Variants in ADAMTSL2 observed in about 807,000 individuals in gnomAD.
The protein encoded by ADAMTSL2 is ADAMTS-like protein 2.
Under a neutral mutation model 117.0 loss-of-function variants are expected in ADAMTSL2, and 55 were observed. The observed-to-expected ratio is 0.47, with a 90% CI of 0.38 to 0.59. The LOEUF is 0.59. ADAMTSL2 is among the 20% of genes least tolerant of loss of function. The pLI, the probability that ADAMTSL2 is intolerant of heterozygous loss-of-function variation, is 0.00. For synonymous variants in ADAMTSL2, 572 were observed against 566.4 expected (o/e 1.01, Z -0.14); for missense variants, 1,182 against 1,354.5 (o/e 0.87, Z 2.00).
rs1461154704 is a variant in ADAMTSL2 at position 133,569,728 on chromosome 9, A to G, written c.2415+150A>G. The G allele has an allele frequency of 3.4e-6, 3 of 872,700 alleles. No homozygotes were observed. In the African/African-American group the frequency reaches 5.1e-5, roughly 15 times the overall value. The allele number at this position is 872,700 out of a possible 1,614,324, so 54.1% of individuals were successfully genotyped here. On this transcript the variant is annotated intron_variant, in intron 16 of 18. Transcript: ENST00000651351. ...GACAATTCCCTAAAAATTAATTTAG[A>G]ATACAAAAGGCTTAAAAGGTAGGAA...
rs1206083576 is a variant in ADAMTSL2 at position 133,568,841 on chromosome 9, T to G, written c.2244+83T>G. 2.5e-6 allele frequency: 4 copies of G among 1,586,138 alleles called. No individual in the cohort carries two copies. The East Asian group carries it at 6.7e-5, about 27-fold the overall frequency. On this transcript the variant is annotated intron_variant, in intron 15 of 18. Transcript: ENST00000651351. ...TGCCTTGATGTGCCTCAGTTTCCAT[T>G]TTTTTCCGAGGCAAGGGTGTGAGGT...
intron 17 of ADAMTSL2, among the ~76,000 whole-genome samples, chr9:133,571,550 G>A (rs927763224): frequency 6.6e-6 from 1 of 152,174 alleles, no homozygotes; most frequent in Non-Finnish European, 1.5e-5. Context: ...TGGGGCCTCC[G>A]GGTGACTCCA....
chr9:133,543,677 A>C lies in ADAMTSL2; in HGVS notation c.683-793A>C, dbSNP rs11522321. 2.6e-5 allele frequency among the ~76,000 whole-genome samples: 4 copies of C among 152,048 alleles called. No homozygotes were observed. In the South Asian group the frequency reaches 8.3e-4, roughly 32 times the overall value. ...GATGCACGCGGAATCCTCCGTTCCC[A>C]GAGGGATCCGGTGAGACAAGCGTCA... is the stretch of plus-strand genomic sequence containing the variant. On this transcript the variant is annotated intron_variant, in intron 7 of 18. Transcript: ENST00000651351.
intron 9 of ADAMTSL2, among the ~76,000 whole-genome samples, chr9:133,552,388 G>A (rs1224568479): frequency 6.6e-6 from 1 of 152,178 alleles, no homozygotes; most frequent in African/African-American, 2.4e-5. Flanking sequence ...TGGCACCAGT[G>A]TCTGCTCCTC....
intron 7 of ADAMTSL2, among the ~76,000 whole-genome samples, chr9:133,543,621 G>C (rs1028815586): frequency 6.6e-6 from 1 of 152,206 alleles, no homozygotes. Context: ...GGCGGGTACT[G>C]GCCTGCAGGA....
intron 7 of ADAMTSL2, among the ~76,000 whole-genome samples, chr9:133,541,830 T>C (rs371902234): frequency 6.6e-6 from 1 of 152,192 alleles, no homozygotes; most frequent in Non-Finnish European, 1.5e-5. Flanking sequence ...GGGGTGGGCG[T>C]CTGTGCATGG....
chr9:133,553,272 G>A (rs974452084), intron 9 of ADAMTSL2, among the ~76,000 whole-genome samples: 4 of 152,262 alleles, frequency 2.6e-5, no homozygotes, highest in Admixed American at 6.5e-5. Flanking sequence ...CCCTCTTCTG[G>A]TTGGTCTCTG....
chr9:133,571,089 C>A (rs1428512569), intron 17 of ADAMTSL2, among the ~76,000 whole-genome samples: 1 of 152,136 alleles, frequency 6.6e-6, no homozygotes, highest in Non-Finnish European at 1.5e-5. Flanking sequence ...ATGCTGAGAT[C>A]GCGGTTCTCT....
chr9:133,534,510 C>G (rs569292040), upstream of ADAMTSL2: 9 of 507,972 alleles, frequency 1.8e-5, no homozygotes, highest in Non-Finnish European at 2.7e-5. Context: ...CCCTGCTCGC[C>G]GCTCCTGGGC....
chr9:133,570,642 C>A, intron 17 of ADAMTSL2, 135 bp downstream of exon 17: 1 of 999,172 alleles, frequency 1.0e-6, no homozygotes, highest in Non-Finnish European at 1.5e-6. Flanking sequence ...CTTTCCTTCC[C>A]GGGAAAGCTT....
intron 8 of ADAMTSL2, among the ~76,000 whole-genome samples, chr9:133,545,853 A>G (rs1057476610): frequency 2.0e-5 from 3 of 152,134 alleles, no homozygotes; most frequent in Admixed American, 1.3e-4. Flanking sequence ...GGCCGAGACA[A>G]CCAGGCCCCA....
chr9:133,555,971 G>A, intron 11 of ADAMTSL2, 41 bp downstream of exon 11: 1 of 1,598,498 alleles, frequency 6.3e-7, no homozygotes, highest in East Asian at 2.2e-5. Context: ...GGCCCTCAGG[G>A]GGCAGGATGG....
chr9:133,568,923 A>G (rs2131181691), intron 15 of ADAMTSL2, among the ~76,000 whole-genome samples, 165 bp downstream of exon 15: 1 of 152,264 alleles, frequency 6.6e-6, no homozygotes, highest in South Asian at 2.1e-4. Flanking sequence ...ACTTCTCTCC[A>G]AACACGTGGC....
At position 133,566,952 on chromosome 9, in the gene ADAMTSL2, C is replaced by T. The variant is rs986247139; in HGVS notation, c.1764C>T (p.Tyr588=). 51 of 1,609,006 alleles carry T rather than the reference C, an allele frequency of 3.2e-5. No individual in the cohort carries two copies. Among genetic ancestry groups the T allele is most frequent in the South Asian group, 4.5e-5 (4 of 89,852 alleles). Residue 588 remains tyrosine (Y), a synonymous_variant, in exon 13 of 19, where the codon TAC becomes TAT. Transcript: ENST00000651351. ...ATCTTGVMSA[Y]AMCVRYDGVE... is the part of the protein sequence containing the mutation. ...CCAACCCAGGGGTCATGTCTGCGTA[C>T]GCCATGTGTGTCCGCTATGATGGCG...
chr9:133,555,970 G>A (rs928049564), intron 11 of ADAMTSL2, 40 bp downstream of exon 11: 6 of 1,598,522 alleles, frequency 3.8e-6, no homozygotes, highest in South Asian at 1.1e-5. Flanking sequence ...GGGCCCTCAG[G>A]GGGCAGGATG....
intron 2 of ADAMTSL2, 114 bp from the exon 3 acceptor site, chr9:133,537,290 AG>A: frequency 3.4e-6 from 4 of 1,169,610 alleles, no homozygotes; most frequent in Admixed American, 5.8e-5. Flanking sequence ...GGGCCCAGCC[AG>A]GGGGCTGTGT....
intron 3 of ADAMTSL2, 21 bp from the exon 4 acceptor site, chr9:133,538,328 G>A (rs200562386): frequency 5.6e-6 from 9 of 1,613,170 alleles, no homozygotes; most frequent in Admixed American, 1.7e-5. Context: ...CCCTCACTCC[G>A]AGCCTGCATC....
In ADAMTSL2 at chr9:133,562,865, G is replaced by C. The variant is rs1379979063; in HGVS notation, c.1747+1570G>C. On this transcript the variant is annotated intron_variant, in intron 12 of 18. Coordinates refer to ENST00000651351, the MANE Select transcript of ADAMTSL2 (RefSeq NM_014694.4). ...CCGGCTTGGCCAGGCTCGCACCGCT[G>C]TGGGAGGCGTGGTGGGCACCCGGCT... Among the ~76,000 whole-genome samples the C allele has an allele frequency of 9.2e-5, 12 of 129,896 alleles. 1 individual carries two copies. The highest frequency in any genetic ancestry group is 3.4e-4 in the African/African-American group (11 of 32,182). The allele number at this position is 129,896 out of a possible 152,430, so 85.2% of individuals were successfully genotyped here. A position where few individuals can be genotyped will look rare whatever the true frequency, so the allele number is the denominator to read the frequency against.
At chr9:133,547,307 C>T in intron 9 of ADAMTSL2, 94 bp downstream of exon 9, 4 of 1,310,770 alleles carry the variant, frequency 3.1e-6, no homozygotes, top group Admixed American at 2.0e-5. Context: ...CCGTGACGCC[C>T]CCAGGGCCAC....
Sources: allele counts gnomAD v4.1 joint callset (sites outside exome capture counted in the v4.1 genomes callset), GRCh38; gene constraint gnomAD v4.1.1; transcripts MANE v1.5; gene names NCBI Gene and HGNC (gene_info 2026-07-23, HGNC 2026-07-21).